The following GRM8 variants were observed in gnomAD, a reference collection of about 807,000 sequenced individuals.
GRM8 encodes the protein glutamate metabotropic receptor 8.
Under a neutral mutation model 87.2 loss-of-function variants are expected in GRM8, and 47 were observed. That is an observed-to-expected ratio of 0.54 (90% CI 0.43 to 0.69). The LOEUF (loss-of-function observed/expected upper bound fraction) is 0.69, where lower values mean the gene tolerates loss of function less well. GRM8 is among the 30% of genes least tolerant of loss of function. The probability of loss-of-function intolerance (pLI) is 0.00; values close to 1 mark genes in which losing one functional copy is unlikely to be tolerated. For missense variants in GRM8, 1,019 were observed against 1,139.2 expected (o/e 0.89, Z 1.52); for synonymous variants, 396 against 404.5 (o/e 0.98, Z 0.25).
chr7:126,615,716 G>A (rs1799418958), intron 7 of GRM8, among the ~76,000 whole-genome samples: 2 of 152,204 alleles, frequency 1.3e-5, no homozygotes, highest in Non-Finnish European at 2.9e-5. Context: ...AAAGGCGGGG[G>A]TTGCAATCCT....
chr7:127,001,374 T>A (rs572865211), intron 3 of GRM8, among the ~76,000 whole-genome samples: 5 of 151,800 alleles, frequency 3.3e-5, no homozygotes, highest in South Asian at 2.1e-4. Context: ...TATAATTACA[T>A]GTGTTTGTAT....
chr7:127,023,786 A>G (rs987641763), intron 3 of GRM8, among the ~76,000 whole-genome samples: 2 of 152,260 alleles, frequency 1.3e-5, no homozygotes, highest in African/African-American at 4.8e-5. Context: ...GTGTTTGCAC[A>G]GCTCCATGGA....
At chr7:126,774,370 T>C (rs949219009) in intron 6 of GRM8, among the ~76,000 whole-genome samples, 3 of 152,192 alleles carry the variant, frequency 2.0e-5, no homozygotes, top group African/African-American at 4.8e-5. Flanking sequence ...CATTATGCTA[T>C]AGTTTCTAAA....
At chr7:126,635,942 A>G (rs1447375831) in intron 7 of GRM8, among the ~76,000 whole-genome samples, 2 of 152,148 alleles carry the variant, frequency 1.3e-5, no homozygotes, top group African/African-American at 4.8e-5. Flanking sequence ...TAAAACCACA[A>G]ACATTCTTGT....
chr7:126,782,618 A>G (rs996229291), intron 6 of GRM8, among the ~76,000 whole-genome samples: 5 of 152,192 alleles, frequency 3.3e-5, no homozygotes, highest in Non-Finnish European at 7.3e-5. Context: ...ACAACAAAGA[A>G]CCACAGCTTT....
intron 9 of GRM8, among the ~76,000 whole-genome samples, chr7:126,484,127 A>C (rs959651270): frequency 6.6e-6 from 1 of 152,048 alleles, no homozygotes; most frequent in Non-Finnish European, 1.5e-5. Context: ...ATGGAGAAAA[A>C]TATTAAATGA....
chr7:126,809,834 C>T (rs904127963), intron 6 of GRM8, among the ~76,000 whole-genome samples: 1 of 152,032 alleles, frequency 6.6e-6, no homozygotes, highest in African/African-American at 2.4e-5. Context: ...TCACTAAAGA[C>T]CCTCCTATTT....
intron 7 of GRM8, among the ~76,000 whole-genome samples, chr7:126,677,868 A>C (rs763908499): frequency 6.6e-6 from 1 of 152,148 alleles, no homozygotes; most frequent in African/African-American, 2.4e-5. Context: ...AAACAAACTA[A>C]CTGTTCACCA....
intron 7 of GRM8, among the ~76,000 whole-genome samples, chr7:126,754,470 T>C (rs956789389): frequency 6.6e-6 from 1 of 151,882 alleles, no homozygotes; most frequent in African/African-American, 2.4e-5. Flanking sequence ...ACATTTTCGG[T>C]AAATGCCAGC....
At chr7:126,779,559 A>G (rs767467320) in intron 6 of GRM8, among the ~76,000 whole-genome samples, 6 of 152,128 alleles carry the variant, frequency 3.9e-5, no homozygotes, top group Non-Finnish European at 5.9e-5. Context: ...ATTAATTATG[A>G]AAGACATAAC....
chr7:126,993,370 A>T (rs1408995672), intron 3 of GRM8, among the ~76,000 whole-genome samples: 2 of 152,220 alleles, frequency 1.3e-5, no homozygotes, highest in Admixed American at 1.3e-4. Context: ...TGGAGTTCTG[A>T]CATATGCTAC....
intron 2 of GRM8, among the ~76,000 whole-genome samples, chr7:127,151,869 G>A (rs1374076518): frequency 1.3e-5 from 2 of 152,036 alleles, no homozygotes; most frequent in African/African-American, 4.8e-5. Flanking sequence ...GTAGATTATA[G>A]TCTATATTCT....
intron 9 of GRM8, among the ~76,000 whole-genome samples, chr7:126,478,516 C>T (rs1333041776): frequency 3.3e-5 from 5 of 151,876 alleles, no homozygotes; most frequent in Admixed American, 3.3e-4. Flanking sequence ...AGTAAATAAT[C>T]TATTTAATTT....
At chr7:126,969,808 A>G (rs1381268132) in intron 3 of GRM8, among the ~76,000 whole-genome samples, 3 of 152,130 alleles carry the variant, frequency 2.0e-5, no homozygotes, top group Admixed American at 2.0e-4. Context: ...TATCTAGGAA[A>G]CCTATAACCT....
intron 2 of GRM8, among the ~76,000 whole-genome samples, chr7:127,235,536 C>CA (rs567192418): frequency 2.2e-4 from 34 of 152,094 alleles, no homozygotes; most frequent in African/African-American, 7.5e-4. Context: ...AACTGTTTTT[C>CA]AAAAAACAAA....
chr7:126,460,570 T>C (rs1170881865), intron 9 of GRM8, among the ~76,000 whole-genome samples: 2 of 151,584 alleles, frequency 1.3e-5, no homozygotes, highest in African/African-American at 4.8e-5. Flanking sequence ...CATTATTCCA[T>C]AAGCTCTGTG....
intron 8 of GRM8, among the ~76,000 whole-genome samples, chr7:126,565,353 A>C (rs1032415888): frequency 6.6e-6 from 1 of 152,206 alleles, no homozygotes; most frequent in African/African-American, 2.4e-5. Context: ...AATTCAATAG[A>C]GTTAAATGAT....
chr7:126,945,188 C>T (rs116418872), intron 3 of GRM8, among the ~76,000 whole-genome samples: 98 of 151,672 alleles, frequency 6.5e-4, no homozygotes, highest in African/African-American at 2.1e-3. Flanking sequence ...TATTCACAAT[C>T]GCAAAAAAAT....
chr7:127,127,789 T>A (rs1827451862), intron 2 of GRM8, among the ~76,000 whole-genome samples: 4 of 152,090 alleles, frequency 2.6e-5, no homozygotes, highest in Admixed American at 2.6e-4. Context: ...AGTTATTATT[T>A]AATAAAGATT....
Sources: allele counts gnomAD v4.1 joint callset (sites outside exome capture counted in the v4.1 genomes callset), GRCh38; gene constraint gnomAD v4.1.1; transcripts MANE v1.5; gene names NCBI Gene and HGNC (gene_info 2026-07-23, HGNC 2026-07-21).